GRIK1: variants seen among roughly 807,000 people sequenced by gnomAD.
GRIK1 encodes the protein glutamate receptor ionotropic, kainate 1.
In GRIK1, 69 loss-of-function variants were observed where a neutral mutation model predicts 105.7. That is an observed-to-expected ratio of 0.65 (90% CI 0.54 to 0.80). The LOEUF (loss-of-function observed/expected upper bound fraction) is 0.80, where lower values mean the gene tolerates loss of function less well. GRIK1 is among the 30% of genes least tolerant of loss of function. The probability of loss-of-function intolerance (pLI) is 0.00; values close to 1 mark genes in which losing one functional copy is unlikely to be tolerated. For synonymous variants in GRIK1, 438 were observed against 431.3 expected, an observed-to-expected ratio of 1.02 and a Z score of -0.19; for missense variants, 1,109 against 1,167.3, an observed-to-expected ratio of 0.95 and a Z score of 0.73.
At chr21:29,560,981 C>G (rs566870995) in intron 15 of GRIK1, among the ~76,000 whole-genome samples, 1 of 152,256 alleles carries the variant, frequency 6.6e-6, no homozygotes, top group African/African-American at 2.4e-5. Context: ...CCCTTAAATT[C>G]TATTCATGTC....
intron 7 of GRIK1, among the ~76,000 whole-genome samples, chr21:29,632,488 TAAAG>T (rs1291533675): frequency 6.8e-6 from 1 of 147,070 alleles, no homozygotes; most frequent in Non-Finnish European, 1.5e-5. Flanking sequence ...AGCACACTGT[TAAAG>T]AAATAGATAC....
At chr21:29,901,370 G>C (rs1236519620) in intron 1 of GRIK1, among the ~76,000 whole-genome samples, 1 of 151,966 alleles carries the variant, frequency 6.6e-6, no homozygotes, top group East Asian at 1.9e-4. Context: ...CTGGTTTTTT[G>C]AAAAGATCAA....
At chr21:29,703,990 G>A (rs2063859360) in intron 1 of GRIK1, among the ~76,000 whole-genome samples, 1 of 152,144 alleles carries the variant, frequency 6.6e-6, no homozygotes, top group Admixed American at 6.5e-5. Context: ...ACTTCAGAGG[G>A]TAGCTAGTAA....
chr21:29,821,532 G>T (rs2067307889), intron 1 of GRIK1, among the ~76,000 whole-genome samples: 1 of 151,974 alleles, frequency 6.6e-6, no homozygotes. Context: ...TTTTACTGAG[G>T]TTCACAATTT....
chr21:29,829,948 A>T (rs1453752880), intron 1 of GRIK1, among the ~76,000 whole-genome samples: 1 of 150,474 alleles, frequency 6.6e-6, no homozygotes, highest in Non-Finnish European at 1.5e-5. Flanking sequence ...GTGCTGGAAG[A>T]AAAAAAAAAT....
chr21:29,735,122 A>G (rs1442365845), intron 1 of GRIK1, among the ~76,000 whole-genome samples: 1 of 152,196 alleles, frequency 6.6e-6, no homozygotes, highest in Non-Finnish European at 1.5e-5. Context: ...CATCTCCCCA[A>G]CAAGAACATA....
intron 3 of GRIK1, among the ~76,000 whole-genome samples, chr21:29,685,527 A>G (rs1396057213): frequency 6.6e-6 from 1 of 152,112 alleles, no homozygotes; most frequent in African/African-American, 2.4e-5. Flanking sequence ...TGCGTAGGTA[A>G]TCGCCTAACC....
At chr21:29,768,714 G>A (rs1427678246) in intron 1 of GRIK1, among the ~76,000 whole-genome samples, 1 of 152,164 alleles carries the variant, frequency 6.6e-6, no homozygotes, top group Non-Finnish European at 1.5e-5. Context: ...CAGCCAGACA[G>A]ACCATGCTGA....
rs1459657790 is a variant in GRIK1 at position 29,642,897 on chromosome 21, C to T, written c.1027G>A (p.Val343Ile). Residue 343 changes from valine to isoleucine, a missense_variant, in exon 7 of 18, where the codon GTC becomes ATC. By Grantham distance (29) the Val-to-Ile change is conservative. Around this residue, in one of 5 missense-constraint regions of GRIK1, gnomAD observed 612 missense variants for 586.0 expected, o/e 1.04. Transcript: ENST00000327783. ...TGTCTATGGCACTGCAGGGAGCTGA[C>T]GGTCAGCTGGGATGCCCGGTGCGAG... ...IASHRASQLTVSSLQCHRHKP... is the reference protein window; with the variant it reads ...IASHRASQLTISSLQCHRHKP... The T allele has an allele frequency of 1.7e-5, 28 of 1,613,848 alleles. No homozygotes were observed. Among genetic ancestry groups the T allele is most frequent in the Non-Finnish European group, 2.1e-5 (25 of 1,179,716 alleles).
In GRIK1 at chr21:29,581,527, A is replaced by T; in HGVS notation, c.1810T>A (p.Trp604Arg). 6.3e-7 allele frequency: 1 copy of T among 1,595,966 alleles called. No homozygotes were observed. Among genetic ancestry groups the T allele is most frequent in the Non-Finnish European group, 8.6e-7 (1 of 1,163,628 alleles). ...FVIARFTPYE[W>R]YNPHPCNPDS... is the part of the protein sequence containing the mutation. The stretch of plus-strand genomic sequence containing the variant: ...GGGTTGCATGGGTGGGGGTTATACC[A>T]CTCGTAGGGTGTAAACCTGTGGTAG... The change falls in exon 13 of 18, where the codon TGG (tryptophan) becomes AGG (arginine). Residue 604 changes from tryptophan (W) to arginine (R), a missense_variant. Trp to Arg is a moderately radical substitution (Grantham distance 101, BLOSUM62 -3). This residue lies in a region of GRIK1 where 264 missense variants were observed against 306.9 expected (regional missense o/e 0.86). Coordinates refer to ENST00000327783, the MANE Select transcript of GRIK1 (RefSeq NM_001330994.2).
At chr21:29,930,987 T>C (rs972225125) in intron 1 of GRIK1, among the ~76,000 whole-genome samples, 3 of 152,234 alleles carry the variant, frequency 2.0e-5, no homozygotes, top group African/African-American at 7.2e-5. Flanking sequence ...TGAATCTTTT[T>C]AAAATATAGA....
At chr21:29,789,415 T>G (rs768374754) in intron 1 of GRIK1, among the ~76,000 whole-genome samples, 7 of 152,188 alleles carry the variant, frequency 4.6e-5, no homozygotes, top group Non-Finnish European at 8.8e-5. Flanking sequence ...GTTAAGCAAG[T>G]ATTGGAGTCA....
intron 1 of GRIK1, among the ~76,000 whole-genome samples, chr21:29,719,659 G>T (rs1301047782): frequency 6.6e-6 from 1 of 151,922 alleles, no homozygotes; most frequent in African/African-American, 2.4e-5. Flanking sequence ...AGCTTTAAAA[G>T]CTCTGCAGCA....
chr21:29,744,785 G>A (rs769581183), intron 1 of GRIK1, among the ~76,000 whole-genome samples: 95 of 152,292 alleles, frequency 6.2e-4, no homozygotes, highest in Admixed American at 9.1e-4. Context: ...ACCTAATGAT[G>A]CCTAACATTT....
At chr21:29,856,220 T>C (rs1443678000) in intron 1 of GRIK1, among the ~76,000 whole-genome samples, 1 of 152,100 alleles carries the variant, frequency 6.6e-6, no homozygotes, top group African/African-American at 2.4e-5. Flanking sequence ...CCCAGGCCCC[T>C]GGTCTGGCCC....
chr21:29,787,608 A>G (rs1351517923), intron 1 of GRIK1, among the ~76,000 whole-genome samples: 5 of 152,256 alleles, frequency 3.3e-5, no homozygotes, highest in African/African-American at 9.6e-5. Flanking sequence ...AAGACAAATC[A>G]TATATTTATC....
intron 1 of GRIK1, among the ~76,000 whole-genome samples, chr21:29,876,278 AAGTGCTT>A (rs2069188811): frequency 6.6e-6 from 1 of 152,070 alleles, no homozygotes; most frequent in South Asian, 2.1e-4. Flanking sequence ...AGCTTATTGA[AAGTGCTT>A]AGTGTGATAT....
At chr21:29,857,839 C>T (rs564111906) in intron 1 of GRIK1, among the ~76,000 whole-genome samples, 17 of 152,266 alleles carry the variant, frequency 1.1e-4, no homozygotes, top group East Asian at 7.7e-4. Flanking sequence ...ACCTTCAGCT[C>T]GAACATCAAA....
chr21:29,582,628 A>AG (rs1294945598), intron 12 of GRIK1, among the ~76,000 whole-genome samples: 1 of 152,144 alleles, frequency 6.6e-6, no homozygotes. Flanking sequence ...TGTAGCCCAA[A>AG]GGAGGTCTCT....
Sources: gnomAD v4.1 joint callset for allele counts (sites outside exome capture counted in the v4.1 genomes callset) on GRCh38, gnomAD v4.1.1 for gene constraint, gnomAD v4.1.1 regional missense constraint, MANE v1.5 for transcripts, NCBI Gene and HGNC (gene_info 2026-07-23, HGNC 2026-07-21) for gene names.